The following SULF1 variants were observed in gnomAD, a reference collection of about 807,000 sequenced individuals.
The protein encoded by SULF1 is extracellular sulfatase Sulf-1.
A neutral mutation model predicts 110.5 loss-of-function variants in SULF1; 46 were observed. The ratio of observed to expected loss-of-function variants is 0.42; its 90% CI spans 0.33 to 0.53. The LOEUF is 0.53. Ranked by LOEUF, SULF1 falls within the 20% of genes least tolerant of loss-of-function variation. The pLI, the probability that SULF1 is intolerant of heterozygous loss-of-function variation, is 0.12. For missense variants in SULF1, 941 were observed against 1,094.2 expected, an observed-to-expected ratio of 0.86 and a Z score of 1.98; for synonymous variants, 371 against 387.1, an observed-to-expected ratio of 0.96 and a Z score of 0.49.
intron 3 of SULF1, among the ~76,000 whole-genome samples, chr8:69,505,428 GT>G (rs759522339): frequency 6.6e-6 from 1 of 152,128 alleles, no homozygotes; most frequent in Non-Finnish European, 1.5e-5. Context: ...CAACTATGTT[GT>G]TTTTGAGAAA....
chr8:69,630,746 G>GA (rs901816360), intron 19 of SULF1, among the ~76,000 whole-genome samples: 3 of 151,470 alleles, frequency 2.0e-5, no homozygotes, highest in Admixed American at 6.6e-5. Flanking sequence ...GGTACAGGTA[G>GA]AAAAAAAAGA....
At chr8:69,522,146 G>T (rs1186819165) in intron 3 of SULF1, among the ~76,000 whole-genome samples, 1 of 151,970 alleles carries the variant, frequency 6.6e-6, no homozygotes, top group African/African-American at 2.4e-5. Context: ...CACCTCCTGG[G>T]TTCAAACAAT....
At chr8:69,555,263 C>T (rs1396118449) in intron 3 of SULF1, among the ~76,000 whole-genome samples, 1 of 152,102 alleles carries the variant, frequency 6.6e-6, no homozygotes, top group African/African-American at 2.4e-5. Context: ...CTGCGGGAGG[C>T]CAAGGGAAGG....
At chr8:69,595,962 A>T (rs554794227) in intron 8 of SULF1, among the ~76,000 whole-genome samples, 1 of 152,328 alleles carries the variant, frequency 6.6e-6, no homozygotes, top group East Asian at 1.9e-4. Context: ...ATTGATTTTT[A>T]GAATTCTTAT....
rs185311492 is a variant in SULF1, at chr8:69,475,906, T to A, written c.-391+8956T>A. Among the ~76,000 whole-genome samples the A allele has an allele frequency of 2.7e-3, 404 of 152,186 alleles. 5 individuals carry two copies. The highest frequency in any genetic ancestry group is 0.026 in the South Asian group (126 of 4,822). The stretch of plus-strand genomic sequence containing the variant: ...ATGCCGCCTTAGATTTAAAAAAAAA[T>A]TTTCTCAGATTAAGAAAATGGTTGG... On this transcript the variant is annotated intron_variant, in intron 1 of 22. Transcript: ENST00000260128.
intron 22 of SULF1, among the ~76,000 whole-genome samples, chr8:69,645,109 C>T (rs1046416604): frequency 1.3e-5 from 2 of 152,120 alleles, no homozygotes; most frequent in Admixed American, 6.6e-5. Context: ...AGGGCCGCTG[C>T]GTGCACAGAG....
chr8:69,616,702 G>GTGTT (rs1809170954), intron 13 of SULF1, among the ~76,000 whole-genome samples: 21 of 104,600 alleles, frequency 2.0e-4, no homozygotes, highest in East Asian at 9.2e-4. Flanking sequence ...GTGCCCGGCC[G>GTGTT]TTTTTTTTTT....
At chr8:69,617,731 G>A (rs1482326486) in intron 13 of SULF1, among the ~76,000 whole-genome samples, 3 of 152,038 alleles carry the variant, frequency 2.0e-5, no homozygotes, top group Non-Finnish European at 4.4e-5. Flanking sequence ...TTTCAGCTAA[G>A]TCAAAATTCT....
intron 3 of SULF1, among the ~76,000 whole-genome samples, chr8:69,503,645 A>G (rs1157846020): frequency 9.9e-5 from 15 of 152,192 alleles, no homozygotes; most frequent in Non-Finnish European, 1.3e-4. Flanking sequence ...CTTCAGTGCC[A>G]TACCATTCAA....
Position 69,624,021 on chromosome 8 carries a change from T to C in SULF1, c.1674T>C (p.Asn558=). The C allele has an allele frequency of 1.2e-6, 2 of 1,614,090 alleles. No homozygotes were observed. Among genetic ancestry groups the C allele is most frequent in the Non-Finnish European group, 1.7e-6 (2 of 1,180,010 alleles). Residue 558 remains asparagine (N), a synonymous_variant, in exon 15 of 23, where the codon AAT becomes AAC. Transcript: ENST00000402687. Reference sequence around the variant, plus strand: ...TTGAAGGTGAAATATATGACATAAATCTGGAAGAAGAAGAAGAATTGCAAG... The same window carrying C: ...TTGAAGGTGAAATATATGACATAAACCTGGAAGAAGAAGAAGAATTGCAAG... ...VEFEGEIYDI[N]LEEEEELQVL...
chr8:69,635,070 A>G (rs1330778550), intron 19 of SULF1, among the ~76,000 whole-genome samples: 1 of 152,254 alleles, frequency 6.6e-6, no homozygotes, highest in Non-Finnish European at 1.5e-5. Context: ...TGCTGGGATT[A>G]TAGGCGTGAG....
At chr8:69,573,284 G>A (rs1805370893) in intron 5 of SULF1, among the ~76,000 whole-genome samples, 1 of 152,210 alleles carries the variant, frequency 6.6e-6, no homozygotes, top group African/African-American at 2.4e-5. Flanking sequence ...AGCTCAGTTA[G>A]TTAAGAAAAG....
At chr8:69,647,358 T>C (rs1811999520) in intron 22 of SULF1, among the ~76,000 whole-genome samples, 1 of 152,162 alleles carries the variant, frequency 6.6e-6, no homozygotes, top group Non-Finnish European at 1.5e-5. Flanking sequence ...TACCAATAAG[T>C]AGATATAATC....
rs1336122510 is a variant in SULF1, at chr8:69,564,248, T to C, written c.172+101T>C. The C allele has an allele frequency of 6.4e-6, 9 of 1,401,796 alleles. No individual in the cohort carries two copies. The Admixed American group carries it at 1.6e-4, about 25-fold the overall frequency. 86.8% of individuals were successfully genotyped at this position (1,401,796 alleles called of 1,614,324 possible). ...ATTCTGAGGCTTTGCACTTAATTAT[T>C]GCACATTAACCAACACCCTAGTTTA... On this transcript the variant is annotated intron_variant, in intron 5 of 22. Transcript: ENST00000402687.
intron 22 of SULF1, among the ~76,000 whole-genome samples, chr8:69,645,336 G>T (rs939660405): frequency 1.3e-5 from 2 of 152,146 alleles, no homozygotes; most frequent in African/African-American, 4.8e-5. Context: ...AGAAACTAAA[G>T]TATAGCACGT....
At chr8:69,592,613 A>G (rs1806987757) in intron 8 of SULF1, among the ~76,000 whole-genome samples, 2 of 152,228 alleles carry the variant, frequency 1.3e-5, no homozygotes. Flanking sequence ...AGATAATACT[A>G]ACACCTTGAT....
At position 69,632,236 on chromosome 8, in the gene SULF1, C is replaced by T. The variant is rs545520234; in HGVS notation, c.2284+2557C>T. 4.8e-4 allele frequency among the ~76,000 whole-genome samples: 73 copies of T among 152,238 alleles called. No homozygotes were observed. The Middle Eastern group carries it at 0.01, about 21-fold the overall frequency. On this transcript the variant is annotated intron_variant, in intron 19 of 22. Coordinates refer to ENST00000402687, the MANE Select transcript of SULF1 (RefSeq NM_001128205.2). Reference sequence around the variant, plus strand: ...ATCCCATTCAATACCAAATTTGATGCTCCTTCTGATACACAATGTATTCTT... The same window carrying T: ...ATCCCATTCAATACCAAATTTGATGTTCCTTCTGATACACAATGTATTCTT...
In SULF1 at chr8:69,586,404, C is replaced by G. The variant is rs147245253; in HGVS notation, c.460C>G (p.Pro154Ala). Reference sequence around the variant, plus strand: ...TGAATATAATGGCAGCTACATCCCCCCTGGGTGGCGAGAATGGCTTGGATT... The same window carrying G: ...TGAATATAATGGCAGCTACATCCCCGCTGGGTGGCGAGAATGGCTTGGATT... Reference protein sequence around the residue: ...LNEYNGSYIPPGWREWLGLIK... With the variant: ...LNEYNGSYIPAGWREWLGLIK... The change falls in exon 7 of 23, where the codon CCT (proline) becomes GCT (alanine). Residue 154 changes from proline to alanine, a missense_variant. Transcript: ENST00000402687. 9.3e-4 allele frequency: 1,498 copies of G among 1,609,552 alleles called. No homozygotes were observed. Among genetic ancestry groups the G allele is most frequent in the South Asian group, 1.2e-3 (107 of 90,108 alleles).
At chr8:69,564,873 C>T (rs1281377261) in intron 5 of SULF1, among the ~76,000 whole-genome samples, 1 of 152,210 alleles carries the variant, frequency 6.6e-6, no homozygotes, top group African/African-American at 2.4e-5. Flanking sequence ...AGATAGAAAG[C>T]TTGCCCCTAG....
Sources: allele counts gnomAD v4.1 joint callset (sites outside exome capture counted in the v4.1 genomes callset), GRCh38; gene constraint gnomAD v4.1.1; transcripts MANE v1.5; gene names NCBI Gene and HGNC (gene_info 2026-07-23, HGNC 2026-07-21).